The following IRAG2 variants were observed in gnomAD, a reference collection of about 807,000 sequenced individuals.
IRAG2 encodes inositol 1,4,5-triphosphate receptor associated 2.
IRAG2 carries 45 observed loss-of-function variants against 69.9 expected under a neutral mutation model. That is an observed-to-expected ratio of 0.64 (90% CI 0.51 to 0.83). The LOEUF (loss-of-function observed/expected upper bound fraction) is 0.83, where lower values mean the gene tolerates loss of function less well. Ranked by LOEUF, IRAG2 falls within the 40% of genes least tolerant of loss-of-function variation. IRAG2 has a pLI of 0.00. For synonymous variants in IRAG2, 193 were observed against 202.4 expected, an observed-to-expected ratio of 0.95 and a Z score of 0.40; for missense variants, 520 against 587.0, an observed-to-expected ratio of 0.89 and a Z score of 1.18.
At chr12:25,014,068 G>T (rs1158270005) in intron 3 of IRAG2, among the ~76,000 whole-genome samples, 1 of 149,960 alleles carries the variant, frequency 6.7e-6, no homozygotes, top group East Asian at 1.9e-4. Context: ...GTAGAGACGG[G>T]GTTTCACCGT....
Position 25,065,796 on chromosome 12 carries a change from A to C in IRAG2, c.-206-569A>C, listed in dbSNP as rs143774285. Among the ~76,000 whole-genome samples the C allele has an allele frequency of 5.9e-3, 906 of 152,330 alleles. 4 individuals are homozygous for C. Among genetic ancestry groups the C allele is most frequent in the African/African-American group, 0.02 (851 of 41,570 alleles). The stretch of plus-strand genomic sequence containing the variant: ...ATGATTCTCCTGCCTTAGCCCCCCA[A>C]GTAGCTGGGACTACAGGCACATGCC... On this transcript the variant is annotated intron_variant, in intron 4 of 21. Coordinates refer to ENST00000556887, the MANE Select transcript of IRAG2 (RefSeq NM_001366544.2).
chr12:25,069,506 TC>T (rs762475430), intron 6 of IRAG2, 75 bp downstream of exon 6: 12 of 1,307,514 alleles, frequency 9.2e-6, no homozygotes, highest in Non-Finnish European at 1.3e-5. Flanking sequence ...GTATTCTTTT[TC>T]CCTGTCTTTT....
intron 15 of IRAG2, among the ~76,000 whole-genome samples, chr12:25,037,062 G>A (rs1051602807): frequency 5.9e-5 from 9 of 152,072 alleles, no homozygotes; most frequent in Non-Finnish European, 1.0e-4. Flanking sequence ...AGACTTTGAC[G>A]GTTTTACTAT....
Position 25,012,143 on chromosome 12 carries a change from CCTTTTTTTTTT to C in IRAG2, c.896+593_896+603del, listed in dbSNP as rs1263749195. Among the ~76,000 whole-genome samples, 9 of 24,102 alleles carry C rather than the reference CCTTTTTTTTTT, an allele frequency of 3.7e-4. No individual in the cohort carries two copies. The Admixed American group carries it at 4.0e-3, about 11-fold the overall frequency. 15.8% of individuals were successfully genotyped at this position (24,102 alleles called of 152,430 possible). ...GTCTTCTTCCACAGAAAGCGAATTCCCTTTTTTTTTTTTTTTTTTTTTTTTTTCTGAGACGG... is the reference window on the plus strand; with the variant it reads ...GTCTTCTTCCACAGAAAGCGAATTCCTTTTTTTTTTTTTTTTCTGAGACGG... On this transcript the variant is annotated intron_variant, in intron 3 of 38. Transcript: ENST00000636465.
chr12:25,046,001 T>C (rs1011915246), intron 16 of IRAG2, among the ~76,000 whole-genome samples: 1 of 151,992 alleles, frequency 6.6e-6, no homozygotes, highest in East Asian at 1.9e-4. Flanking sequence ...CAAAAGCACA[T>C]TGAAAGGCTT....
intron 1 of IRAG2, among the ~76,000 whole-genome samples, chr12:25,058,080 CAT>C (rs1220854247): frequency 6.6e-6 from 1 of 152,132 alleles, no homozygotes; most frequent in Non-Finnish European, 1.5e-5. Flanking sequence ...TTTGTGTGCA[CAT>C]ATGTTTTTAT....
At chr12:25,072,903 CT>C (rs1398820319) in intron 6 of IRAG2, among the ~76,000 whole-genome samples, 4 of 152,218 alleles carry the variant, frequency 2.6e-5, no homozygotes, top group African/African-American at 7.2e-5. Context: ...ACAATGTATG[CT>C]TTTCCATTTA....
rs1465960674 is a variant in IRAG2, at chr12:25,108,290, AT to A, written c.*232del. ...GCTTTTTAAGGAAGAAATATTATAT[AT>A]TGTTTGTTAAAGTTTATTGAAATAA... On this transcript the variant is annotated 3_prime_UTR_variant, in exon 22 of 22. Transcript: ENST00000556887. 3 of 556,980 alleles carry A rather than the reference AT, an allele frequency of 5.4e-6. No individual in the cohort carries two copies. The African/African-American group carries it at 5.7e-5, about 11-fold the overall frequency. 34.5% of individuals were successfully genotyped at this position (556,980 alleles called of 1,614,324 possible).
intron 7 of IRAG2, among the ~76,000 whole-genome samples, chr12:25,021,916 T>C (rs1286965925): frequency 2.6e-5 from 4 of 152,190 alleles, no homozygotes; most frequent in Non-Finnish European, 4.4e-5. Flanking sequence ...TGCAAGTCTA[T>C]ATGGATGCAT....
upstream of IRAG2, chr12:25,052,267 AG>A (rs1195902118): frequency 5.1e-6 from 2 of 394,026 alleles, no homozygotes; most frequent in Non-Finnish European, 8.9e-6. Context: ...AAACAACTAC[AG>A]GAAGATGCTG....
chr12:25,030,222 T>A, intron 9 of IRAG2: 1 of 1,112,316 alleles, frequency 9.0e-7, no homozygotes, highest in Non-Finnish European at 1.1e-6. Context: ...TTTATGGCAC[T>A]GTCCTTTTAC....
At position 25,041,776 on chromosome 12, in the gene IRAG2, G is replaced by A. The variant is rs1944752370; in HGVS notation, c.2144+3639G>A. Among the ~76,000 whole-genome samples, 3 of 150,922 alleles carry A rather than the reference G, an allele frequency of 2.0e-5. No homozygotes were observed. The South Asian group carries it at 6.3e-4, about 32-fold the overall frequency. On this transcript the variant is annotated intron_variant, in intron 16 of 38. Transcript: ENST00000636465. ...CCCACCTAGGCCTCCCAAAGTGCTG[G>A]GATTACAGGTATGAGCCACAGCACC...
At chr12:25,018,001 T>C (rs536044370) in intron 6 of IRAG2, among the ~76,000 whole-genome samples, 2 of 152,192 alleles carry the variant, frequency 1.3e-5, no homozygotes, top group Non-Finnish European at 2.9e-5. Context: ...GGTTCATCCA[T>C]GTTGTAGCGT....
chr12:25,082,609 A>AG (rs1555140821), intron 9 of IRAG2, among the ~76,000 whole-genome samples: 4 of 150,568 alleles, frequency 2.7e-5, no homozygotes, highest in African/African-American at 9.8e-5. Context: ...CAAAAAAAAA[A>AG]CAAAAAACAA....
intron 3 of IRAG2, among the ~76,000 whole-genome samples, chr12:25,012,432 G>A (rs527700375): frequency 6.6e-6 from 1 of 151,714 alleles, no homozygotes; most frequent in Admixed American, 6.6e-5. Context: ...TGGGATTACA[G>A]GTGTGAGCCA....
chr12:25,093,598 TG>T (rs1948219264), intron 14 of IRAG2: 1 of 153,472 alleles, frequency 6.5e-6, no homozygotes, highest in South Asian at 2.1e-4. Context: ...AGCTTCTTTT[TG>T]CTTCTTTTCC....
At position 25,081,056 on chromosome 12, in the gene IRAG2, TAA is replaced by T. The variant is rs371583476; in HGVS notation, c.244+1294_244+1295del. On this transcript the variant is annotated intron_variant, in intron 9 of 21. Transcript: ENST00000556887. ...TTTGGCTATATAGACATACCTACGA[TAA>T]GTTTAATTTATTAATTAGATATTTA... 3.2e-3 allele frequency among the ~76,000 whole-genome samples: 495 copies of T among 152,354 alleles called. 2 individuals are homozygous for T. The highest frequency in any genetic ancestry group is 0.011 in the African/African-American group (475 of 41,582).
At chr12:25,090,248 T>C in intron 14 of IRAG2, 51 bp downstream of exon 14, 2 of 1,559,270 alleles carry the variant, frequency 1.3e-6, no homozygotes, top group Non-Finnish European at 1.8e-6. Flanking sequence ...CCAGGCACAG[T>C]GGCTCACACC....
At chr12:25,004,273 T>A (rs181029590), upstream of IRAG2, 963 of 1,078,550 alleles carry the variant, frequency 8.9e-4, 6 homozygotes, top group South Asian at 0.014. Flanking sequence ...AAATACTGAC[T>A]TTTAAACATG....
Sources: gnomAD v4.1 joint callset for allele counts (sites outside exome capture counted in the v4.1 genomes callset) on GRCh38, gnomAD v4.1.1 for gene constraint, MANE v1.5 for transcripts, NCBI Gene and HGNC (gene_info 2026-07-23, HGNC 2026-07-21) for gene names.